Variants in DOCK4 observed in about 807,000 individuals in gnomAD.
The protein encoded by DOCK4 is dedicator of cytokinesis 4.
DOCK4 carries 97 observed loss-of-function variants against 268.1 expected under a neutral mutation model. The ratio of observed to expected loss-of-function variants is 0.36; its 90% CI spans 0.31 to 0.43. The LOEUF is 0.43. DOCK4 is among the 20% of genes least tolerant of loss of function. DOCK4 has a pLI of 1.00. For synonymous variants in DOCK4, 954 were observed against 887.2 expected (o/e 1.08, Z -1.34); for missense variants, 2,145 against 2,455.7 (o/e 0.87, Z 2.67).
chr7:111,774,263 G>A (rs1475295452), intron 36 of DOCK4, among the ~76,000 whole-genome samples: 4 of 152,078 alleles, frequency 2.6e-5, no homozygotes, highest in African/African-American at 7.2e-5. Context: ...CCAGAAGTTC[G>A]AGATCAGCCT....
intron 30 of DOCK4, among the ~76,000 whole-genome samples, chr7:111,795,688 T>C (rs947497929): frequency 3.3e-5 from 5 of 152,286 alleles, no homozygotes; most frequent in East Asian, 3.9e-4. Flanking sequence ...AGCTCTGCTA[T>C]AGTAGTTAGA....
At chr7:111,765,855 T>C (rs752924027) in intron 38 of DOCK4, among the ~76,000 whole-genome samples, 1 of 152,204 alleles carries the variant, frequency 6.6e-6, no homozygotes, top group Non-Finnish European at 1.5e-5. Flanking sequence ...TGGTTTCCCA[T>C]TCATGGTATT....
At chr7:111,835,182 A>C (rs1410165749) in intron 25 of DOCK4, among the ~76,000 whole-genome samples, 4 of 152,152 alleles carry the variant, frequency 2.6e-5, no homozygotes, top group Non-Finnish European at 5.9e-5. Context: ...CATTATCCCC[A>C]GTCTTTCTGC....
intron 1 of DOCK4, among the ~76,000 whole-genome samples, chr7:112,186,422 T>C (rs1819499897): frequency 6.6e-6 from 1 of 152,116 alleles, no homozygotes; most frequent in Admixed American, 6.5e-5. Context: ...CCTGGACAGG[T>C]TCTAGAACAT....
intron 52 of DOCK4, among the ~76,000 whole-genome samples, chr7:111,731,183 C>G (rs182170966): frequency 6.6e-6 from 1 of 152,164 alleles, no homozygotes; most frequent in Non-Finnish European, 1.5e-5. Flanking sequence ...TGCACTTACC[C>G]GCGAATTTCT....
chr7:111,951,560 C>T (rs1260784103), intron 8 of DOCK4, among the ~76,000 whole-genome samples: 12 of 150,872 alleles, frequency 8.0e-5, no homozygotes, highest in Admixed American at 8.0e-4. Context: ...GTAATCTCAG[C>T]ACTTTGGGAG....
intron 12 of DOCK4, among the ~76,000 whole-genome samples, chr7:111,926,028 G>T (rs1474047509): frequency 1.3e-5 from 2 of 149,116 alleles, no homozygotes; most frequent in East Asian, 1.9e-4. Context: ...CCGGGAGGCG[G>T]AGGTTGTAGT....
At chr7:112,043,451 T>C (rs575212006) in intron 1 of DOCK4, among the ~76,000 whole-genome samples, 2 of 152,214 alleles carry the variant, frequency 1.3e-5, no homozygotes, top group East Asian at 1.9e-4. Flanking sequence ...TGTTACAGTG[T>C]AGATAACCAA....
At chr7:111,991,757 C>G (rs993970810) in intron 5 of DOCK4, among the ~76,000 whole-genome samples, 1 of 151,426 alleles carries the variant, frequency 6.6e-6, no homozygotes, top group Non-Finnish European at 1.5e-5. Flanking sequence ...GTCAGGAGAT[C>G]GAGACCATCC....
chr7:111,929,102 TGATGTGTATA>T (rs1430684313), intron 12 of DOCK4, among the ~76,000 whole-genome samples: 1 of 152,188 alleles, frequency 6.6e-6, no homozygotes, highest in Non-Finnish European at 1.5e-5. Flanking sequence ...TATATATGTA[TGATGTGTATA>T]GATGTGTATA....
intron 1 of DOCK4, among the ~76,000 whole-genome samples, chr7:112,071,498 G>A (rs753246812): frequency 3.9e-5 from 6 of 152,074 alleles, no homozygotes; most frequent in African/African-American, 1.2e-4. Context: ...GATTTAAACC[G>A]TAAATTGTTA....
At chr7:111,803,867 T>C (rs1178872131) in intron 30 of DOCK4, among the ~76,000 whole-genome samples, 2 of 152,164 alleles carry the variant, frequency 1.3e-5, no homozygotes, top group African/African-American at 4.8e-5. Context: ...GCTCTAAAAA[T>C]ACATTATTTT....
intron 30 of DOCK4, among the ~76,000 whole-genome samples, chr7:111,806,859 A>T (rs1800712292): frequency 6.6e-6 from 1 of 152,216 alleles, no homozygotes; most frequent in Non-Finnish European, 1.5e-5. Flanking sequence ...AATTTTCCAT[A>T]TTCTCTAGAT....
At chr7:111,766,048 G>T (rs1424308717) in intron 38 of DOCK4, among the ~76,000 whole-genome samples, 2 of 152,130 alleles carry the variant, frequency 1.3e-5, no homozygotes, top group Non-Finnish European at 2.9e-5. Flanking sequence ...CCTCGCTTCT[G>T]TTACAGGGAC....
chr7:111,830,971 G>C (rs1802773873), intron 26 of DOCK4, among the ~76,000 whole-genome samples: 1 of 151,722 alleles, frequency 6.6e-6, no homozygotes. Context: ...TTCTATGTAG[G>C]TCCTTTGACC....
chr7:111,769,208 A>C (rs1209033453), intron 37 of DOCK4, among the ~76,000 whole-genome samples: 6 of 152,176 alleles, frequency 3.9e-5, no homozygotes, highest in Non-Finnish European at 2.9e-5. Context: ...AAAATCTCTA[A>C]ATCGGTGTTT....
At chr7:111,872,699 C>T (rs888520497) in intron 17 of DOCK4, 135 bp from the exon 18 acceptor site, 14 of 631,046 alleles carry the variant, frequency 2.2e-5, no homozygotes, top group Middle Eastern at 4.3e-4. Flanking sequence ...CAGGCTCCCA[C>T]AAACTATGAC....
At chr7:112,104,639 T>C (rs1810979691) in intron 1 of DOCK4, among the ~76,000 whole-genome samples, 1 of 152,204 alleles carries the variant, frequency 6.6e-6, no homozygotes, top group African/African-American at 2.4e-5. Context: ...TGGACAAGTA[T>C]AAAATACCAT....
At chr7:111,787,163 T>G (rs1269727183) in intron 32 of DOCK4, among the ~76,000 whole-genome samples, 2 of 152,184 alleles carry the variant, frequency 1.3e-5, no homozygotes, top group Non-Finnish European at 2.9e-5. Flanking sequence ...TAAGAGGCAC[T>G]AAAGAACTAT....
Sources: allele counts gnomAD v4.1 joint callset (sites outside exome capture counted in the v4.1 genomes callset), GRCh38; gene constraint gnomAD v4.1.1; transcripts MANE v1.5; gene names NCBI Gene and HGNC (gene_info 2026-07-23, HGNC 2026-07-21).